The following WDR70 variants were observed in gnomAD, a reference collection of about 807,000 sequenced individuals.
WDR70 encodes WD repeat domain 70.
In WDR70, 53 loss-of-function variants were observed where a neutral mutation model predicts 88.6. The observed-to-expected ratio is 0.60, with a 90% CI of 0.48 to 0.75. The LOEUF (loss-of-function observed/expected upper bound fraction) is 0.75, where lower values mean the gene tolerates loss of function less well. Among genes scored for constraint, WDR70 ranks in the 30% least tolerant of loss-of-function variants. WDR70 has a pLI of 0.00. For missense variants in WDR70, 610 were observed against 823.2 expected, an observed-to-expected ratio of 0.74 and a Z score of 3.17; for synonymous variants, 280 against 270.0, an observed-to-expected ratio of 1.04 and a Z score of -0.36.
At chr5:37,485,139 C>G (rs138102781) in intron 8 of WDR70, among the ~76,000 whole-genome samples, 9 of 152,098 alleles carry the variant, frequency 5.9e-5, no homozygotes, top group Non-Finnish European at 1.3e-4. Flanking sequence ...TGTTTTAATT[C>G]TGATTTTTAC....
rs376229529 is a variant in WDR70, at chr5:37,446,421, T to C, written c.686+3049T>C. 3.3e-5 allele frequency among the ~76,000 whole-genome samples: 5 copies of C among 152,084 alleles called. No individual in the cohort carries two copies. In the East Asian group the frequency reaches 5.8e-4, roughly 18 times the overall value. ...ATCAAGCTACCAATGACTTTCTTCATAGAATTGGAAAAAACTACTTTAAAG... is the reference window on the plus strand; with the variant it reads ...ATCAAGCTACCAATGACTTTCTTCACAGAATTGGAAAAAACTACTTTAAAG... On this transcript the variant is annotated intron_variant, in intron 7 of 17. Coordinates refer to ENST00000265107, the MANE Select transcript of WDR70 (RefSeq NM_018034.4).
intron 4 of WDR70, among the ~76,000 whole-genome samples, chr5:37,394,285 CAAAAA>C (rs199867827): frequency 0.013 from 1,240 of 95,842 alleles, 13 homozygotes; most frequent in African/African-American, 0.037. Context: ...GACTCTGTCT[CAAAAA>C]AAAAAAAAAA....
chr5:37,723,379 T>A (rs1747882330), intron 15 of WDR70: 1 of 181,402 alleles, frequency 5.5e-6, no homozygotes, highest in Non-Finnish European at 1.2e-5. Flanking sequence ...TCTGAAATTC[T>A]ATGACCATGT....
At chr5:37,411,993 A>C (rs955124473) in intron 5 of WDR70, among the ~76,000 whole-genome samples, 1 of 151,982 alleles carries the variant, frequency 6.6e-6, no homozygotes, top group African/African-American at 2.4e-5. Context: ...AATGGTAATA[A>C]AATTGTTCTT....
chr5:37,686,826 T>A (rs1746618194), intron 10 of WDR70, among the ~76,000 whole-genome samples: 2 of 151,544 alleles, frequency 1.3e-5, no homozygotes, highest in African/African-American at 4.9e-5. Flanking sequence ...GCGTTTTCCA[T>A]CTTGGTGAAT....
chr5:37,743,374 T>C (rs1276063178), intron 17 of WDR70, among the ~76,000 whole-genome samples: 1 of 152,204 alleles, frequency 6.6e-6, no homozygotes, highest in East Asian at 1.9e-4. Flanking sequence ...TGCAGATTCT[T>C]ACAGCCTCTC....
chr5:37,734,644 C>T (rs1050306204), intron 17 of WDR70, among the ~76,000 whole-genome samples: 4 of 151,874 alleles, frequency 2.6e-5, no homozygotes, highest in South Asian at 2.1e-4. Context: ...AGTAATCAGG[C>T]GGAGAAAAGG....
intron 9 of WDR70, among the ~76,000 whole-genome samples, chr5:37,565,667 G>GT (rs1742717136): frequency 1.3e-5 from 2 of 152,024 alleles, no homozygotes; most frequent in South Asian, 4.1e-4. Flanking sequence ...TTTATATTAT[G>GT]TAGTCCACTG....
chr5:37,506,346 T>C, intron 8 of WDR70: 1 of 890,158 alleles, frequency 1.1e-6, no homozygotes, highest in Non-Finnish European at 1.9e-6. Flanking sequence ...AAATCTTGCT[T>C]CTTCTAACAC....
chr5:37,509,780 C>T (rs934405957), intron 8 of WDR70, among the ~76,000 whole-genome samples: 7 of 150,110 alleles, frequency 4.7e-5, no homozygotes, highest in African/African-American at 1.7e-4. Flanking sequence ...CTGAGCAGCC[C>T]TATAGATTCT....
In WDR70 at chr5:37,726,958, C is replaced by A; in HGVS notation, c.1790C>A (p.Thr597Asn). Residue 597 changes from threonine to asparagine, a missense_variant, in exon 17 of 18, where the codon ACC becomes AAC. By Grantham distance (65) the Thr-to-Asn change is moderately conservative. Transcript: ENST00000265107. ...YIVKNIALDK[T>N]DDSNPREAIL... ...GTGAAGAACATTGCTTTGGACAAGACCGATGACAGTAATCCTCGGGAAGCC... is the reference window on the plus strand; with the variant it reads ...GTGAAGAACATTGCTTTGGACAAGAACGATGACAGTAATCCTCGGGAAGCC... The A allele has an allele frequency of 1.2e-6, 2 of 1,612,192 alleles. No individual in the cohort carries two copies. The highest frequency in any genetic ancestry group is 1.1e-5 in the South Asian group (1 of 90,706).
intron 13 of WDR70, among the ~76,000 whole-genome samples, chr5:37,712,117 T>C (rs6877276): frequency 0.81 from 123,143 of 151,668 alleles, 50,463 homozygotes; most frequent in East Asian, 0.89. Flanking sequence ...CTCAGCCTTC[T>C]GAGTAGCTGG....
intron 3 of WDR70, among the ~76,000 whole-genome samples, chr5:37,382,574 G>T (rs1175593153): frequency 6.6e-6 from 1 of 151,820 alleles, no homozygotes; most frequent in Non-Finnish European, 1.5e-5. Flanking sequence ...ACCACGCCCA[G>T]CTAATTTTTG....
At chr5:37,720,662 T>A (rs1747781734) in intron 13 of WDR70, among the ~76,000 whole-genome samples, 1 of 152,218 alleles carries the variant, frequency 6.6e-6, no homozygotes, top group Non-Finnish European at 1.5e-5. Flanking sequence ...GAAAAAGCTT[T>A]ATGAGATTTG....
chr5:37,697,810 A>G (rs959830071), intron 11 of WDR70, 56 bp downstream of exon 11: 1 of 1,432,230 alleles, frequency 7.0e-7, no homozygotes. Flanking sequence ...ATCATCTTTA[A>G]CAAATATGAC....
At chr5:37,638,741 T>G (rs539158691) in intron 10 of WDR70, among the ~76,000 whole-genome samples, 1 of 152,338 alleles carries the variant, frequency 6.6e-6, no homozygotes, top group South Asian at 2.1e-4. Context: ...TTAATTGGTA[T>G]ATTACTGAAT....
intron 9 of WDR70, among the ~76,000 whole-genome samples, chr5:37,560,077 AT>A (rs1742454650): frequency 1.3e-5 from 2 of 152,160 alleles, no homozygotes; most frequent in Admixed American, 1.3e-4. Context: ...AAATTTTGAT[AT>A]TTTAGTTAGC....
intron 17 of WDR70, among the ~76,000 whole-genome samples, chr5:37,745,895 G>A (rs1274328268): frequency 6.6e-6 from 1 of 152,068 alleles, no homozygotes; most frequent in African/African-American, 2.4e-5. Flanking sequence ...GGAAATTCAG[G>A]ACTTGAACTC....
intron 9 of WDR70, among the ~76,000 whole-genome samples, chr5:37,601,756 A>C (rs1229198685): frequency 6.6e-6 from 1 of 152,134 alleles, no homozygotes; most frequent in East Asian, 1.9e-4. Context: ...CTATATGAAA[A>C]AGACACATGC....
Sources: gnomAD v4.1 joint callset for allele counts (sites outside exome capture counted in the v4.1 genomes callset) on GRCh38, gnomAD v4.1.1 for gene constraint, MANE v1.5 for transcripts, NCBI Gene and HGNC (gene_info 2026-07-23, HGNC 2026-07-21) for gene names.